CYP24A1: variants seen among roughly 807,000 people sequenced by gnomAD.
CYP24A1 encodes the protein 1,25-dihydroxyvitamin D(3) 24-hydroxylase, mitochondrial.
A neutral mutation model predicts 62.4 loss-of-function variants in CYP24A1; 68 were observed. That is an observed-to-expected ratio of 1.09 (90% CI 0.90 to 1.33). The LOEUF is 1.33. Ranked by LOEUF, CYP24A1 falls within the 40% of genes most tolerant of loss-of-function variation. CYP24A1 has a pLI of 0.00. For synonymous variants in CYP24A1, 267 were observed against 253.0 expected, an observed-to-expected ratio of 1.06 and a Z score of -0.52; for missense variants, 787 against 653.0, an observed-to-expected ratio of 1.21 and a Z score of -2.24.
At chr20:54,170,525 C>T (rs966971548) in intron 3 of CYP24A1, among the ~76,000 whole-genome samples, 13 of 151,702 alleles carry the variant, frequency 8.6e-5, no homozygotes, top group African/African-American at 2.7e-4. Flanking sequence ...TTAATTTGCC[C>T]GCATAGCGCA....
downstream of CYP24A1, among the ~76,000 whole-genome samples, chr20:54,152,717 G>A (rs1432471303): frequency 6.6e-6 from 1 of 152,178 alleles, no homozygotes; most frequent in Non-Finnish European, 1.5e-5. Flanking sequence ...AGGCCTGGGG[G>A]ATCAGTGGGA....
chr20:54,169,776 T>C, intron 3 of CYP24A1, 88 bp from the exon 4 acceptor site: 1 of 1,587,982 alleles, frequency 6.3e-7, no homozygotes, highest in African/African-American at 1.4e-5. Flanking sequence ...CTTCAGGTCT[T>C]GCTACATCGC....
chr20:54,157,704 G>C, intron 9 of CYP24A1, 119 bp from the exon 10 acceptor site: 1 of 771,980 alleles, frequency 1.3e-6, no homozygotes, highest in East Asian at 2.5e-5. Flanking sequence ...TTATAATAAT[G>C]ATGGTTGCCA....
intron 7 of CYP24A1, among the ~76,000 whole-genome samples, chr20:54,159,529 G>A (rs953631194): frequency 6.6e-6 from 1 of 151,762 alleles, no homozygotes; most frequent in Non-Finnish European, 1.5e-5. Flanking sequence ...TGAGTAGCTG[G>A]GACTACAGGC....
chr20:54,159,130 G>A lies in CYP24A1; in HGVS notation c.991-7C>T, dbSNP rs1390941464. 5 of 1,609,654 alleles carry A rather than the reference G, an allele frequency of 3.1e-6. No homozygotes were observed. The highest frequency in any genetic ancestry group is 4.3e-6 in the Non-Finnish European group (5 of 1,176,020). The stretch of plus-strand genomic sequence containing the variant: ...ACATTAGACTGTTTGCTGTCTGCAA[G>A]CCAAATGGACATAAACTTGAGTTTT... On this transcript the variant is annotated splice_region_variant and splice_polypyrimidine_tract_variant and intron_variant, in intron 7 of 11. Transcript: ENST00000216862.
At chr20:54,159,889 G>A (rs924675112) in intron 7 of CYP24A1, among the ~76,000 whole-genome samples, 9 of 152,146 alleles carry the variant, frequency 5.9e-5, no homozygotes, top group Non-Finnish European at 1.0e-4. Context: ...AGAACTGAAT[G>A]TGAATCTACA....
downstream of CYP24A1, among the ~76,000 whole-genome samples, chr20:54,152,600 G>A (rs184029126): frequency 4.4e-3 from 675 of 152,316 alleles, 5 homozygotes; most frequent in Non-Finnish European, 7.2e-3. Context: ...TGCCGGGAGG[G>A]AGACGGTGGG....
chr20:54,172,933 T>C lies in CYP24A1; in HGVS notation c.425A>G (p.Lys142Arg), dbSNP rs760244872. The change falls in exon 2 of 12, where the codon AAA becomes AGA. Residue 142 changes from lysine to arginine, a missense_variant. By Grantham distance (26) the Lys-to-Arg change is conservative. Transcript: ENST00000216862. ...CAGGATCAGCAGCCCGTAGCCTTCT[T>C]TGCGGTAGTCGCGATAGGCCTTCCA... is the stretch of plus-strand genomic sequence containing the variant. ...KPWKAYRDYRKEGYGLLILEG... is the reference protein window; with the variant it reads ...KPWKAYRDYRREGYGLLILEG... 133 of 1,613,738 alleles carry C rather than the reference T, an allele frequency of 8.2e-5. No homozygotes were observed. The highest frequency in any genetic ancestry group is 1.1e-4 in the Non-Finnish European group (129 of 1,180,042).
At chr20:54,146,893 A>G in the CYP24A1 span, among the ~76,000 whole-genome samples, 4 of 152,234 alleles carry the variant, frequency 2.6e-5, no homozygotes, top group Non-Finnish European at 4.4e-5. Context: ...CAAAACAATC[A>G]TGGAGAAGCA....
At position 54,153,701 on chromosome 20, in the gene CYP24A1, T is replaced by C. The variant is rs2092617034; in HGVS notation, c.*1071A>G. On this transcript the variant is annotated 3_prime_UTR_variant, in exon 12 of 12. Coordinates refer to ENST00000216862, the MANE Select transcript of CYP24A1 (RefSeq NM_000782.5). ...AGTATGCATTTAGGAAAAGCAGTAG[T>C]AAAAATATGCACAAATAAACCATCT... 6.6e-6 allele frequency: 1 copy of C among 152,650 alleles called. No individual in the cohort carries two copies. The highest frequency in any genetic ancestry group is 1.5e-5 in the Non-Finnish European group (1 of 68,030). The allele number at this position is 152,650 out of a possible 1,614,324, so 9.5% of individuals were successfully genotyped here.
intron 6 of CYP24A1, among the ~76,000 whole-genome samples, chr20:54,163,801 C>CTTA (rs72429518): frequency 1.3e-5 from 2 of 151,986 alleles, no homozygotes; most frequent in Non-Finnish European, 2.9e-5. Flanking sequence ...GGTAGGTTCT[C>CTTA]TTATTATTAT....
intron 7 of CYP24A1, among the ~76,000 whole-genome samples, chr20:54,159,940 TA>T (rs1196273618): frequency 6.6e-6 from 1 of 152,146 alleles, no homozygotes; most frequent in Non-Finnish European, 1.5e-5. Context: ...TTGCTTGATA[TA>T]AAAAACATTC....
At chr20:54,155,587 G>T (rs1222893905) in intron 11 of CYP24A1, among the ~76,000 whole-genome samples, 1 of 151,818 alleles carries the variant, frequency 6.6e-6, no homozygotes, top group Admixed American at 6.6e-5. Context: ...CAAAAAATTA[G>T]CTGGGTGTGG....
At chr20:54,143,798 A>G in the CYP24A1 span, among the ~76,000 whole-genome samples, 3 of 152,062 alleles carry the variant, frequency 2.0e-5, no homozygotes, top group African/African-American at 7.2e-5. Context: ...CTTTGAAAAA[A>G]CTAAAAACAG....
At chr20:54,158,494 A>G (rs755522882) in intron 8 of CYP24A1, among the ~76,000 whole-genome samples, 4 of 151,994 alleles carry the variant, frequency 2.6e-5, no homozygotes, top group Non-Finnish European at 4.4e-5. Context: ...TCTCCAATCT[A>G]CTCTTCACAA....
At chr20:54,168,116 G>A (rs1052192956) in intron 4 of CYP24A1, among the ~76,000 whole-genome samples, 1 of 152,076 alleles carries the variant, frequency 6.6e-6, no homozygotes, top group Non-Finnish European at 1.5e-5. Context: ...TCAACCATCA[G>A]GACTTAGCTG....
downstream of CYP24A1, among the ~76,000 whole-genome samples, chr20:54,152,986 T>C (rs1375498462): frequency 6.6e-6 from 1 of 152,226 alleles, no homozygotes; most frequent in Non-Finnish European, 1.5e-5. Context: ...TTGGCTGTTG[T>C]AGGTCTTTCA....
At chr20:54,171,390 G>A (rs975752342) in intron 3 of CYP24A1, among the ~76,000 whole-genome samples, 187 bp downstream of exon 3, 1 of 152,182 alleles carries the variant, frequency 6.6e-6, no homozygotes, top group African/African-American at 2.4e-5. Context: ...AGAGGGTGGA[G>A]GAGGGAGAAA....
chr20:54,161,905 C>T (rs1203616589), intron 7 of CYP24A1, among the ~76,000 whole-genome samples: 1 of 152,206 alleles, frequency 6.6e-6, no homozygotes, highest in Non-Finnish European at 1.5e-5. Flanking sequence ...AACTGCTTTA[C>T]ATTTTGCTTA....
Sources: allele counts gnomAD v4.1 joint callset (sites outside exome capture counted in the v4.1 genomes callset), GRCh38; gene constraint gnomAD v4.1.1; transcripts MANE v1.5; gene names NCBI Gene and HGNC (gene_info 2026-07-23, HGNC 2026-07-21).